Variants in PTGR1 observed in about 807,000 individuals in gnomAD.
PTGR1 encodes the protein 15-oxoprostaglandin 13-reductase.
In PTGR1, 23 loss-of-function variants were observed where a neutral mutation model predicts 37.7. That is an observed-to-expected ratio of 0.61 (90% CI 0.44 to 0.86). The LOEUF (loss-of-function observed/expected upper bound fraction) is 0.86. Among genes scored for constraint, PTGR1 ranks in the 40% least tolerant of loss-of-function variants. PTGR1 has a pLI of 0.00. For synonymous variants in PTGR1, 134 were observed against 140.0 expected (o/e 0.96, Z 0.30); for missense variants, 351 against 394.3 (o/e 0.89, Z 0.93).
At chr9:111,570,388 G>T (rs1828759390) in intron 8 of PTGR1, among the ~76,000 whole-genome samples, 179 bp from the exon 9 acceptor site, 1 of 152,116 alleles carries the variant, frequency 6.6e-6, no homozygotes, top group African/African-American at 2.4e-5. Context: ...GCACTCTGCA[G>T]CCAGGCAGAA....
chr9:111,574,416 C>G (rs1295913803), intron 8 of PTGR1: 1 of 164,108 alleles, frequency 6.1e-6, no homozygotes, highest in Non-Finnish European at 1.3e-5. Context: ...GTGGCAGGAA[C>G]ACAGCTCACT....
chr9:111,568,020 A>T (rs1275407732), intron 9 of PTGR1, among the ~76,000 whole-genome samples: 1 of 152,224 alleles, frequency 6.6e-6, no homozygotes, highest in Non-Finnish European at 1.5e-5. Context: ...AATTGTGTTA[A>T]CTGTACAAAT....
intron 9 of PTGR1, among the ~76,000 whole-genome samples, chr9:111,553,187 CT>C (rs1564604185): frequency 6.6e-6 from 1 of 152,112 alleles, no homozygotes; most frequent in East Asian, 1.9e-4. Context: ...ATCTTTAACA[CT>C]TTTGAATAGA....
At chr9:111,569,538 G>A (rs1273118359) in intron 9 of PTGR1, among the ~76,000 whole-genome samples, 1 of 152,156 alleles carries the variant, frequency 6.6e-6, no homozygotes, top group East Asian at 1.9e-4. Context: ...AGCACTTTGG[G>A]AGACTGAGGC....
chr9:111,584,130 CA>C (rs1388172686), intron 5 of PTGR1, among the ~76,000 whole-genome samples: 23 of 152,166 alleles, frequency 1.5e-4, no homozygotes, highest in African/African-American at 5.3e-4. Context: ...AGTTAGCTTG[CA>C]GGAAAAGAGC....
downstream of PTGR1, among the ~76,000 whole-genome samples, chr9:111,559,362 G>A (rs192260392): frequency 9.9e-5 from 15 of 151,794 alleles, no homozygotes; most frequent in Admixed American, 3.9e-4. Context: ...GCAGCCCTGC[G>A]ATTCCAATGC....
At chr9:111,588,321 C>T (rs533691319) in intron 4 of PTGR1, among the ~76,000 whole-genome samples, 15 of 150,998 alleles carry the variant, frequency 9.9e-5, no homozygotes, top group African/African-American at 3.7e-4. Context: ...CTCAGCCTCC[C>T]GAGTAGCTGG....
At chr9:111,554,716 C>G (rs1199571349) in intron 9 of PTGR1, among the ~76,000 whole-genome samples, 1 of 152,168 alleles carries the variant, frequency 6.6e-6, no homozygotes, top group South Asian at 2.1e-4. Flanking sequence ...TCAGAACATA[C>G]TGGAATTTTT....
chr9:111,561,973 C>T (rs1331656528), downstream of PTGR1, among the ~76,000 whole-genome samples: 1 of 150,234 alleles, frequency 6.7e-6, no homozygotes, highest in Admixed American at 6.7e-5. Flanking sequence ...GCAACGTCTG[C>T]CTCCTGGGCT....
chr9:111,569,553 G>A (rs1020037600), intron 9 of PTGR1, among the ~76,000 whole-genome samples: 15 of 152,054 alleles, frequency 9.9e-5, no homozygotes, highest in Non-Finnish European at 1.9e-4. Context: ...TGAGGCGGGC[G>A]CATCACTTGA....
At position 111,562,756 on chromosome 9, in the gene PTGR1, C is replaced by A. The variant is rs565519350; in HGVS notation, c.*365G>T. Reference sequence around the variant, plus strand: ...TCCTGATGCTCTCCCTCCCTCACCCCGGCTTCCACAGGCCCCAGCGTGTGT... The same window carrying A: ...TCCTGATGCTCTCCCTCCCTCACCCAGGCTTCCACAGGCCCCAGCGTGTGT... On this transcript the variant is annotated 3_prime_UTR_variant, in exon 10 of 10. Transcript: ENST00000407693. 2.1e-4 allele frequency: 41 copies of A among 198,852 alleles called. 1 individual carries two copies. In the South Asian group the frequency reaches 5.6e-3, roughly 27 times the overall value. The allele number at this position is 198,852 out of a possible 1,614,324, so 12.3% of individuals were successfully genotyped here. A position where few individuals can be genotyped will look rare whatever the true frequency, so the allele number is the denominator to read the frequency against.
At chr9:111,565,814 C>T (rs1828537223) in intron 9 of PTGR1, among the ~76,000 whole-genome samples, 1 of 151,912 alleles carries the variant, frequency 6.6e-6, no homozygotes, top group Non-Finnish European at 1.5e-5. Context: ...TATGAGCCAC[C>T]GCACCCAGCC....
chr9:111,558,566 C>T (rs12336125), downstream of PTGR1, among the ~76,000 whole-genome samples: 48,821 of 151,996 alleles, frequency 0.32, 8,883 homozygotes, highest in Non-Finnish European at 0.42. Flanking sequence ...CTACCCCAGC[C>T]CCAGAACAAA....
intron 4 of PTGR1, among the ~76,000 whole-genome samples, chr9:111,587,707 C>G (rs961687316): frequency 1.3e-5 from 2 of 152,198 alleles, no homozygotes; most frequent in Non-Finnish European, 2.9e-5. Flanking sequence ...GCCTCAGCCT[C>G]CCAAAGTGCT....
Position 111,592,770 on chromosome 9 carries a change from G to A in PTGR1, c.209+156C>T, listed in dbSNP as rs890529046. 2.0e-5 allele frequency: 20 copies of A among 1,006,190 alleles called. No homozygotes were observed. In the African/African-American group the frequency reaches 3.0e-4, roughly 15 times the overall value. The allele number at this position is 1,006,190 out of a possible 1,614,324, so 62.3% of individuals were successfully genotyped here. A position where few individuals can be genotyped will look rare whatever the true frequency, so the allele number is the denominator to read the frequency against. ...CCTTCCCTCCTTTCCAGCTAGTTAG[G>A]AAGGAGACAGAATTTCCCAAGTTGA... On this transcript the variant is annotated intron_variant, in intron 4 of 9. Coordinates refer to ENST00000407693, the MANE Select transcript of PTGR1 (RefSeq NM_001146108.2).
At chr9:111,570,692 T>C (rs369708719) in intron 8 of PTGR1, among the ~76,000 whole-genome samples, 29 of 151,712 alleles carry the variant, frequency 1.9e-4, no homozygotes, top group African/African-American at 6.8e-4. Flanking sequence ...GGCAGGAGAA[T>C]TGCTTGAACC....
intron 8 of PTGR1, among the ~76,000 whole-genome samples, chr9:111,572,322 T>C (rs1828853560): frequency 5.9e-5 from 9 of 152,152 alleles, no homozygotes; most frequent in Admixed American, 5.9e-4. Context: ...GGGATGGGCA[T>C]GGTGGCTCAT....
rs1020112727 is a variant in PTGR1 at position 111,583,054 on chromosome 9, G to A, written c.495+418C>T. On this transcript the variant is annotated intron_variant, in intron 6 of 9. Coordinates refer to ENST00000407693, the MANE Select transcript of PTGR1 (RefSeq NM_001146108.2). ...TCCCAAGCCATGGCCCCACTGCTCT[G>A]GGCTGAATGCCCATTTCCTTCTAGT... Among the ~76,000 whole-genome samples the A allele has an allele frequency of 2.6e-5, 4 of 152,212 alleles. No homozygotes were observed. The East Asian group carries it at 5.8e-4, about 22-fold the overall frequency.
downstream of PTGR1, among the ~76,000 whole-genome samples, chr9:111,559,598 T>TCA (rs1037774997): frequency 1.3e-5 from 2 of 149,930 alleles, no homozygotes; most frequent in East Asian, 1.9e-4. Flanking sequence ...ACACACACAC[T>TCA]CACACACACA....
Sources: gnomAD v4.1 joint callset for allele counts (sites outside exome capture counted in the v4.1 genomes callset) on GRCh38, gnomAD v4.1.1 for gene constraint, MANE v1.5 for transcripts, NCBI Gene and HGNC (gene_info 2026-07-23, HGNC 2026-07-21) for gene names.